CHM: variants seen among roughly 807,000 people sequenced by gnomAD.
CHM encodes CHM Rab escort protein.
In CHM, 10 loss-of-function variants were observed where a neutral mutation model predicts 49.0. That is an observed-to-expected ratio of 0.20 (90% CI 0.13 to 0.35). The LOEUF is 0.35. CHM is among the 10% of genes least tolerant of loss of function. CHM has a pLI of 1.00. For synonymous variants in CHM, 184 were observed against 167.5 expected, an observed-to-expected ratio of 1.10 and a Z score of -0.76; for missense variants, 455 against 478.4, an observed-to-expected ratio of 0.95 and a Z score of 0.46.
At chrX:86,000,380 T>G (rs1303027517) in intron 2 of CHM, among the ~76,000 whole-genome samples, 2 of 108,129 alleles carry the variant, frequency 1.8e-5, no homozygotes, top group Admixed American at 1.0e-4. Context: ...TTTGTGACAG[T>G]TGTTTAAATT....
intron 1 of CHM, among the ~76,000 whole-genome samples, chrX:86,039,289 C>T (rs1360600033): frequency 1.1e-5 from 1 of 91,244 alleles, no homozygotes; most frequent in Non-Finnish European, 2.1e-5. Flanking sequence ...TCAGCATCTT[C>T]TTAATATGCC....
At chrX:85,995,954 C>T (rs187209123) in intron 2 of CHM, among the ~76,000 whole-genome samples, 21 of 112,047 alleles carry the variant, frequency 1.9e-4, no homozygotes, top group African/African-American at 6.1e-4. Flanking sequence ...TACAGGGTTG[C>T]ACTGTTTTAT....
At chrX:85,976,719 T>C (rs766778181) in intron 4 of CHM, among the ~76,000 whole-genome samples, 16 of 110,782 alleles carry the variant, frequency 1.4e-4, no homozygotes, top group Non-Finnish European at 1.9e-4. Flanking sequence ...TGGCAAAACA[T>C]AGACTCAAAA....
In CHM at chrX:85,920,241, G is replaced by A. The variant is rs186931440; in HGVS notation, c.1167-8903C>T. ...CTCCCGAGTAGCTGGGACTACAGGC[G>A]CCCACCACCACACCCAGCTAATTTT... On this transcript the variant is annotated intron_variant, in intron 8 of 14. Transcript: ENST00000357749. 7.7e-3 allele frequency among the ~76,000 whole-genome samples: 843 copies of A among 109,497 alleles called. 8 individuals are homozygous for A. The highest frequency in any genetic ancestry group is 0.026 in the African/African-American group (774 of 30,085).
chrX:85,877,455 G>A (rs954837287), intron 13 of CHM, among the ~76,000 whole-genome samples: 4 of 111,622 alleles, frequency 3.6e-5, no homozygotes, highest in Non-Finnish European at 5.7e-5. Context: ...ATGGGTAATG[G>A]AGAAGGAAGA....
chrX:86,011,482 A>T (rs898287913), intron 2 of CHM, among the ~76,000 whole-genome samples: 1 of 111,403 alleles, frequency 9.0e-6, no homozygotes, highest in Non-Finnish European at 1.9e-5. Context: ...TGAGAAGCAT[A>T]TATAACTGTA....
intron 8 of CHM, among the ~76,000 whole-genome samples, chrX:85,947,663 T>C (rs185187098): frequency 2.7e-3 from 303 of 111,556 alleles, no homozygotes; most frequent in African/African-American, 9.5e-3. Context: ...GCAATTTATC[T>C]ATAGAACAAA....
intron 2 of CHM, among the ~76,000 whole-genome samples, chrX:85,983,562 T>C (rs1931745903): frequency 9.0e-6 from 1 of 111,647 alleles, no homozygotes; most frequent in African/African-American, 3.3e-5. Flanking sequence ...TATCCTAGGT[T>C]TTGAAGGAGG....
intron 1 of CHM, among the ~76,000 whole-genome samples, chrX:86,044,073 C>A (rs1436361211): frequency 9.0e-6 from 1 of 111,459 alleles, no homozygotes; most frequent in East Asian, 2.8e-4. Flanking sequence ...AAGAAGGATG[C>A]AATGAAAAGC....
intron 6 of CHM, 129 bp from the exon 7 acceptor site, chrX:85,958,104 C>T: frequency 1.2e-6 from 1 of 804,071 alleles, no homozygotes; most frequent in Non-Finnish European, 1.8e-6. Flanking sequence ...TTTCACATCA[C>T]CGTCCATCAG....
chrX:85,917,447 C>A (rs1927523037), intron 8 of CHM, among the ~76,000 whole-genome samples: 1 of 111,296 alleles, frequency 9.0e-6, no homozygotes. Context: ...AACTTAAAAT[C>A]AAAGTTTTTT....
At chrX:85,944,370 A>T (rs1158312340) in intron 8 of CHM, among the ~76,000 whole-genome samples, 1 of 112,007 alleles carries the variant, frequency 8.9e-6, no homozygotes, top group Non-Finnish European at 1.9e-5. Context: ...GCAGGGGGAA[A>T]AGAAAAAACA....
chrX:85,887,058 G>A (rs1482290382), intron 12 of CHM, among the ~76,000 whole-genome samples: 1 of 107,503 alleles, frequency 9.3e-6, no homozygotes, highest in African/African-American at 3.4e-5. Context: ...AACTTTCTCA[G>A]TCAACCTTCC....
At chrX:85,873,524 T>C (rs1334736163) in intron 13 of CHM, among the ~76,000 whole-genome samples, 2 of 111,663 alleles carry the variant, frequency 1.8e-5, no homozygotes, top group Non-Finnish European at 3.8e-5. Flanking sequence ...ATGTTTCAAA[T>C]GGACAAACCA....
At chrX:85,915,937 A>C (rs1406902038) in intron 8 of CHM, among the ~76,000 whole-genome samples, 1 of 112,068 alleles carries the variant, frequency 8.9e-6, no homozygotes, top group Admixed American at 9.4e-5. Flanking sequence ...AAAGGACTAC[A>C]AAAAAAACTA....
At chrX:85,934,190 C>T (rs1928620090) in intron 8 of CHM, among the ~76,000 whole-genome samples, 1 of 107,226 alleles carries the variant, frequency 9.3e-6, no homozygotes, top group Non-Finnish European at 1.9e-5. Context: ...CTGTGTTACG[C>T]AGGATGGTCT....
chrX:85,875,532 C>T (rs1433135466), intron 13 of CHM, among the ~76,000 whole-genome samples: 1 of 111,559 alleles, frequency 9.0e-6, no homozygotes, highest in East Asian at 2.8e-4. Flanking sequence ...GAAATGGTGT[C>T]TACAGCTGCA....
intron 1 of CHM, among the ~76,000 whole-genome samples, chrX:86,046,844 A>G (rs1048541631): frequency 2.7e-5 from 3 of 111,739 alleles, no homozygotes; most frequent in Non-Finnish European, 5.6e-5. Flanking sequence ...CAGCACATTT[A>G]GTTATTGATG....
intron 14 of CHM, among the ~76,000 whole-genome samples, chrX:85,868,055 T>G (rs868393722): frequency 2.2e-5 from 2 of 90,925 alleles, no homozygotes; most frequent in African/African-American, 3.9e-5. Context: ...GTGTGTGTGT[T>G]TGTAGTAAGA....
Sources: allele counts gnomAD v4.1 joint callset (sites outside exome capture counted in the v4.1 genomes callset), GRCh38; gene constraint gnomAD v4.1.1; transcripts MANE v1.5; gene names NCBI Gene and HGNC (gene_info 2026-07-23, HGNC 2026-07-21).